The following FNDC1 variants were observed in gnomAD, a reference collection of about 807,000 sequenced individuals.
FNDC1 encodes fibronectin type III domain-containing protein 1.
Under a neutral mutation model 168.0 loss-of-function variants are expected in FNDC1, and 96 were observed. The observed-to-expected ratio is 0.57, with a 90% CI of 0.48 to 0.68. FNDC1 has a LOEUF of 0.68. FNDC1 is among the 30% of genes least tolerant of loss of function. The pLI, the probability that FNDC1 is intolerant of heterozygous loss-of-function variation, is 0.00. For missense variants in FNDC1, 2,587 were observed against 2,482.1 expected, an observed-to-expected ratio of 1.04 and a Z score of -0.90; for synonymous variants, 1,099 against 1,025.9, an observed-to-expected ratio of 1.07 and a Z score of -1.36.
chr6:159,236,775 A>T (rs933606624), intron 12 of FNDC1, among the ~76,000 whole-genome samples: 1 of 152,340 alleles, frequency 6.6e-6, no homozygotes, highest in African/African-American at 2.4e-5. Context: ...CAAACAAAAA[A>T]CCCTGAATGA....
chr6:159,232,951 C>T lies in FNDC1; in HGVS notation c.2439C>T (p.Ala813=). 5 of 1,611,068 alleles carry T rather than the reference C, an allele frequency of 3.1e-6. No homozygotes were observed. Among genetic ancestry groups the T allele is most frequent in the Non-Finnish European group, 4.2e-6 (5 of 1,179,472 alleles). ...CCCAGACGCTGCGGGCCCGGCCTGC[C>T]TCTGGACACTTCCATTTGCTCAGAC... is the stretch of plus-strand genomic sequence containing the variant. The part of the protein sequence containing the change: ...ATAQTLRARP[A]SGHFHLLRHK... Residue 813 remains alanine (A), a synonymous_variant, in exon 11 of 23, where the codon GCC becomes GCT. Transcript: ENST00000297267. This position sits in a 1 kb window ranked among gnomAD's most constrained non-coding sequence, Gnocchi z 4.9.
At chr6:159,189,384 G>A (rs969222020) in intron 1 of FNDC1, among the ~76,000 whole-genome samples, 10 of 152,152 alleles carry the variant, frequency 6.6e-5, no homozygotes, top group African/African-American at 2.4e-4. Context: ...AAAATTCCTG[G>A]GAAGTTCCCT....
intron 5 of FNDC1, among the ~76,000 whole-genome samples, chr6:159,217,083 C>A (rs1782724202): frequency 6.6e-6 from 1 of 152,310 alleles, no homozygotes; most frequent in South Asian, 2.1e-4. Context: ...GAGAAGGCAG[C>A]CTGGCACCCA....
At chr6:159,226,975 T>A (rs1782967832) in intron 9 of FNDC1, among the ~76,000 whole-genome samples, 2 of 152,198 alleles carry the variant, frequency 1.3e-5, no homozygotes, top group Non-Finnish European at 2.9e-5. Context: ...GGACCATAAA[T>A]ACATTTAATG....
rs746615997 is a variant in FNDC1, at chr6:159,233,053, C to T, written c.2541C>T (p.Ser847=). The stretch of plus-strand genomic sequence containing the variant: ...GGGGACCTCGGCTGCAGCCCTCCAG[C>T]TCCCCACAGTCGACTGTGCCCTCCC... ...IGRGPRLQPS[S]SPQSTVPSRA... The change falls in exon 11 of 23, where the codon AGC becomes AGT. Residue 847 remains serine (S), a synonymous_variant. Coordinates refer to ENST00000297267, the MANE Select transcript of FNDC1 (RefSeq NM_032532.3). This position sits in a 1 kb window ranked among gnomAD's most constrained non-coding sequence, Gnocchi z 4.6. 6.2e-7 allele frequency: 1 copy of T among 1,610,656 alleles called. No individual in the cohort carries two copies. Among genetic ancestry groups the T allele is most frequent in the Admixed American group, 1.7e-5 (1 of 59,634 alleles).
At chr6:159,268,964 A>G (rs1031146863) in intron 22 of FNDC1, among the ~76,000 whole-genome samples, 16 of 150,770 alleles carry the variant, frequency 1.1e-4, no homozygotes, top group African/African-American at 3.2e-4. Context: ...ACTTCAATCT[A>G]TCTATCCACC....
chr6:159,213,415 T>C (rs575862886), intron 4 of FNDC1, among the ~76,000 whole-genome samples: 1 of 152,290 alleles, frequency 6.6e-6, no homozygotes, highest in South Asian at 2.1e-4. Context: ...AAATTTTTAT[T>C]GCAGCTTATT....
At chr6:159,244,088 T>A (rs187763599) in intron 14 of FNDC1, among the ~76,000 whole-genome samples, 9 of 152,322 alleles carry the variant, frequency 5.9e-5, no homozygotes, top group Admixed American at 1.3e-4. Context: ...ATTTTTTATC[T>A]GGCGAAAAGC....
intron 12 of FNDC1, 25 bp from the exon 13 acceptor site, chr6:159,238,529 T>C: frequency 6.6e-7 from 1 of 1,509,346 alleles, no homozygotes. Flanking sequence ...TCCAATATAT[T>C]CTTTAATCTA....
intron 18 of FNDC1, among the ~76,000 whole-genome samples, chr6:159,257,014 G>A (rs1045424745): frequency 5.3e-5 from 8 of 152,174 alleles, no homozygotes; most frequent in Non-Finnish European, 7.3e-5. Flanking sequence ...AAATGAACTC[G>A]TTCCCAAACT....
chr6:159,212,276 G>A (rs1328991823), intron 4 of FNDC1, among the ~76,000 whole-genome samples: 1 of 152,174 alleles, frequency 6.6e-6, no homozygotes, highest in Non-Finnish European at 1.5e-5. Context: ...CATTACCCTT[G>A]GCAGTTGTGA....
chr6:159,182,249 G>A (rs890213090), intron 1 of FNDC1, among the ~76,000 whole-genome samples: 2 of 152,166 alleles, frequency 1.3e-5, no homozygotes, highest in African/African-American at 4.8e-5. Context: ...ATCTGACTTG[G>A]GGTCCTTGGG....
chr6:159,246,931 C>T lies in FNDC1; in HGVS notation c.4652C>T (p.Ala1551Val), dbSNP rs749279736. 1.2e-6 allele frequency: 2 copies of T among 1,612,916 alleles called. No homozygotes were observed. The highest frequency in any genetic ancestry group is 2.2e-5 in the East Asian group (1 of 44,870). Residue 1551 changes from alanine (A) to valine (V), a missense_variant, in exon 15 of 23, where the codon GCA becomes GTA. By Grantham distance (64) the Ala-to-Val change is moderately conservative. Transcript: ENST00000297267. ...TTCTCAGGCTTGGAGACTGACACTG[C>T]AGTACCTACGGAAGAGGCCTACGTT... Reference protein sequence around the residue: ...DEFSGLETDTAVPTEEAYVIY... With the variant: ...DEFSGLETDTVVPTEEAYVIY...
At chr6:159,183,363 G>A (rs117320680) in intron 1 of FNDC1, among the ~76,000 whole-genome samples, 3,257 of 152,258 alleles carry the variant, frequency 0.021, 50 homozygotes, top group Non-Finnish European at 0.034. Flanking sequence ...CTTCCATGAT[G>A]CAACTTTTTT....
chr6:159,269,499 T>TAACTATCTATCG (rs1777686811), intron 22 of FNDC1, among the ~76,000 whole-genome samples: 11 of 87,328 alleles, frequency 1.3e-4, no homozygotes, highest in African/African-American at 4.8e-4. Context: ...TCTATCTATC[T>TAACTATCTATCG]ATCCATCCAT....
intron 5 of FNDC1, among the ~76,000 whole-genome samples, chr6:159,220,796 G>T (rs548475553): frequency 6.6e-6 from 1 of 152,166 alleles, no homozygotes; most frequent in Non-Finnish European, 1.5e-5. Context: ...CAGAATCCAC[G>T]TACAGTAAAG....
rs535933802 is a variant in FNDC1, at chr6:159,197,472, A to C, written c.151A>C (p.Thr51Pro). ...GCCAAGGCATGTGAAACTGCTGTCCACTAAAATGGGCCTGAAAGTCACGTG... is the reference window on the plus strand; with the variant it reads ...GCCAAGGCATGTGAAACTGCTGTCCCCTAAAATGGGCCTGAAAGTCACGTG... ...LKPRHVKLLSTKMGLKVTWDP... is the reference protein window; with the variant it reads ...LKPRHVKLLSPKMGLKVTWDP... The change falls in exon 2 of 23, where the codon ACT (threonine) becomes CCT (proline). Residue 51 changes from threonine to proline, a missense_variant. Coordinates refer to ENST00000297267, the MANE Select transcript of FNDC1 (RefSeq NM_032532.3). The C allele has an allele frequency of 6.2e-7, 1 of 1,613,872 alleles. No individual in the cohort carries two copies. The highest frequency in any genetic ancestry group is 8.5e-7 in the Non-Finnish European group (1 of 1,179,834).
In FNDC1 at chr6:159,232,354, C is replaced by G. The variant is rs760747716; in HGVS notation, c.1842C>G (p.Pro614=). 1.2e-6 allele frequency: 2 copies of G among 1,613,606 alleles called. No homozygotes were observed. The highest frequency in any genetic ancestry group is 1.7e-6 in the Non-Finnish European group (2 of 1,179,734). ...CGCAGCCCCGCCCAGGGGCGCCCCC[C>G]TCGGCTTCGGCCTCTCCTGCCCACC... ...LATQPRPGAP[P]SASASPAHHA... Residue 614 remains proline (P), a synonymous_variant, in exon 11 of 23, where the codon CCC becomes CCG. Coordinates refer to ENST00000297267, the MANE Select transcript of FNDC1 (RefSeq NM_032532.3). This position sits in a 1 kb window ranked among gnomAD's most constrained non-coding sequence, Gnocchi z 4.9.
intron 4 of FNDC1, among the ~76,000 whole-genome samples, chr6:159,212,946 G>A (rs542759749): frequency 6.6e-6 from 1 of 152,326 alleles, no homozygotes; most frequent in South Asian, 2.1e-4. Flanking sequence ...AAACAGCTAT[G>A]TGACTGTCTG....
Sources: gnomAD v4.1 joint callset for allele counts (sites outside exome capture counted in the v4.1 genomes callset) on GRCh38, gnomAD v4.1.1 for gene constraint, Gnocchi (gnomAD v3.1) non-coding constraint, MANE v1.5 for transcripts, NCBI Gene and HGNC (gene_info 2026-07-23, HGNC 2026-07-21) for gene names.